The following NAB1 variants were observed in gnomAD, a reference collection of about 807,000 sequenced individuals.
The protein encoded by NAB1 is NGFI-A-binding protein 1.
In NAB1, 25 loss-of-function variants were observed where a neutral mutation model predicts 49.9. The ratio of observed to expected loss-of-function variants is 0.50; its 90% CI spans 0.37 to 0.70. The LOEUF is 0.70. Ranked by LOEUF, NAB1 falls within the 30% of genes least tolerant of loss-of-function variation. The probability of loss-of-function intolerance (pLI) is 0.00; values close to 1 mark genes in which losing one functional copy is unlikely to be tolerated. For synonymous variants in NAB1, 198 were observed against 215.6 expected, an observed-to-expected ratio of 0.92 and a Z score of 0.71; for missense variants, 489 against 575.9, an observed-to-expected ratio of 0.85 and a Z score of 1.54.
rs1330836827 is a variant in NAB1 at position 190,651,068 on chromosome 2, T to A, written c.-197+1086T>A. Reference sequence around the variant, plus strand: ...TGGTCTCTTGTTACTTGTGAAGGTATCAATAATAATGTAATAATGACAACA... The same window carrying A: ...TGGTCTCTTGTTACTTGTGAAGGTAACAATAATAATGTAATAATGACAACA... On this transcript the variant is annotated intron_variant, in intron 2 of 9. Transcript: ENST00000337386. The surrounding 1 kb of genome is among the most constrained non-coding windows in gnomAD (Gnocchi z 4.3). 6.6e-6 allele frequency among the ~76,000 whole-genome samples: 1 copy of A among 152,240 alleles called. No homozygotes were observed. Among genetic ancestry groups the A allele is most frequent in the Non-Finnish European group, 1.5e-5 (1 of 68,036 alleles).
Position 190,690,751 on chromosome 2 carries a change from T to C in NAB1, c.*418T>C, listed in dbSNP as rs1424028528. On this transcript the variant is annotated 3_prime_UTR_variant, in exon 10 of 10. Coordinates refer to ENST00000337386, the MANE Select transcript of NAB1 (RefSeq NM_005966.4). ...AATTTTGTTGTCTACTTTGTGTGTT[T>C]AACGTAAATATATGTCAGAGTTTAG... The C allele has an allele frequency of 6.5e-6, 1 of 154,618 alleles. No homozygotes were observed. Among genetic ancestry groups the C allele is most frequent in the African/African-American group, 2.4e-5 (1 of 41,502 alleles). The allele number at this position is 154,618 out of a possible 1,614,324, so 9.6% of individuals were successfully genotyped here.
rs1254406535 is a variant in NAB1 at position 190,670,572 on chromosome 2, T to C, written c.953+113T>C. ...TCTGAAAAAGTGGAAGTATGATTAT[T>C]GTTCTATGAAACTAAACAATGCAGT... On this transcript the variant is annotated intron_variant, in intron 5 of 9. Coordinates refer to ENST00000337386, the MANE Select transcript of NAB1 (RefSeq NM_005966.4). This position sits in a 1 kb window ranked among gnomAD's most constrained non-coding sequence, Gnocchi z 5.3. The C allele has an allele frequency of 8.3e-7, 1 of 1,210,328 alleles. No homozygotes were observed. Among genetic ancestry groups the C allele is most frequent in the Non-Finnish European group, 1.2e-6 (1 of 868,720 alleles). The allele number at this position is 1,210,328 out of a possible 1,614,324, so 75.0% of individuals were successfully genotyped here. A position where few individuals can be genotyped will look rare whatever the true frequency, so the allele number is the denominator to read the frequency against.
chr2:190,658,114 AAAAACAG>A (rs763759187), intron 3 of NAB1, among the ~76,000 whole-genome samples: 128 of 152,172 alleles, frequency 8.4e-4, no homozygotes, highest in Non-Finnish European at 1.5e-3. Flanking sequence ...CTGTCTCTTT[AAAAACAG>A]ACTTCTTTGT....
At chr2:190,672,636 T>G (rs570702907) in intron 5 of NAB1, among the ~76,000 whole-genome samples, 3 of 152,218 alleles carry the variant, frequency 2.0e-5, no homozygotes, top group Non-Finnish European at 2.9e-5. Context: ...CATAAAGGGA[T>G]ATCCTCCTTG....
rs1695075442 is a variant in NAB1, at chr2:190,676,456, T to C, written c.1005+3304T>C. Among the ~76,000 whole-genome samples the C allele has an allele frequency of 6.6e-6, 1 of 152,244 alleles. No individual in the cohort carries two copies. Among genetic ancestry groups the C allele is most frequent in the African/African-American group, 2.4e-5 (1 of 41,470 alleles). ...AGAAAGTAATATACAAGACTGAGCA[T>C]GGTGGCTTATGACTGTAATCCCAGC... On this transcript the variant is annotated intron_variant, in intron 6 of 9. Coordinates refer to ENST00000337386, the MANE Select transcript of NAB1 (RefSeq NM_005966.4). The surrounding 1 kb of genome is among the most constrained non-coding windows in gnomAD (Gnocchi z 4.6).
intron 6 of NAB1, among the ~76,000 whole-genome samples, chr2:190,673,728 TTACTG>T (rs1694936230): frequency 6.6e-6 from 1 of 152,324 alleles, no homozygotes; most frequent in Middle Eastern, 3.4e-3. Flanking sequence ...TACAGAGACT[TTACTG>T]TAACTAAAGC....
At chr2:190,661,348 C>T (rs567677136) in intron 4 of NAB1, among the ~76,000 whole-genome samples, 1 of 152,078 alleles carries the variant, frequency 6.6e-6, no homozygotes, top group African/African-American at 2.4e-5. Flanking sequence ...TGGGAGTATC[C>T]TTTGAACCAG....
At chr2:190,662,016 A>G (rs1694251035) in intron 4 of NAB1, among the ~76,000 whole-genome samples, 1 of 152,198 alleles carries the variant, frequency 6.6e-6, no homozygotes, top group African/African-American at 2.4e-5. Flanking sequence ...TAAAATTAGC[A>G]GAAGTTTTTT....
rs1223464133 is a variant in NAB1, at chr2:190,667,312, A to G, written c.820-3014A>G. 6.6e-6 allele frequency among the ~76,000 whole-genome samples: 1 copy of G among 152,226 alleles called. No homozygotes were observed. Among genetic ancestry groups the G allele is most frequent in the Non-Finnish European group, 1.5e-5 (1 of 68,040 alleles). On this transcript the variant is annotated intron_variant, in intron 4 of 9. Coordinates refer to ENST00000337386, the MANE Select transcript of NAB1 (RefSeq NM_005966.4). This position sits in a 1 kb window ranked among gnomAD's most constrained non-coding sequence, Gnocchi z 4.4. ...AAGCTAGTACCTCTGAAATGTTGTC[A>G]GTTAAAACATCTTACTGAAAATCAG...
rs1482581704 is a variant in NAB1 at position 190,680,475 on chromosome 2, C to T, written c.1006-3263C>T. Among the ~76,000 whole-genome samples, 1 of 152,180 alleles carries T rather than the reference C, an allele frequency of 6.6e-6. No individual in the cohort carries two copies. Among genetic ancestry groups the T allele is most frequent in the Non-Finnish European group, 1.5e-5 (1 of 68,038 alleles). On this transcript the variant is annotated intron_variant, in intron 6 of 9. Transcript: ENST00000337386. This position sits in a 1 kb window ranked among gnomAD's most constrained non-coding sequence, Gnocchi z 5.2. ...TGGGATGCCTGCTCTGCCACAGCGC[C>T]CTCTGCTGTGCTCTGGGTCTCCGTC... is the stretch of plus-strand genomic sequence containing the variant.
chr2:190,669,907 T>G lies in NAB1; in HGVS notation c.820-419T>G, dbSNP rs1694717856. On this transcript the variant is annotated intron_variant, in intron 4 of 9. Transcript: ENST00000337386. The surrounding 1 kb of genome is among the most constrained non-coding windows in gnomAD (Gnocchi z 4.3). ...GGTCTTGATTCCTTTTTAAGAATTT[T>G]CATGTCAGTTCATAAAAAATCTGTC... 6.6e-6 allele frequency among the ~76,000 whole-genome samples: 1 copy of G among 152,250 alleles called. No homozygotes were observed. The highest frequency in any genetic ancestry group is 1.5e-5 in the Non-Finnish European group (1 of 68,034).
At chr2:190,671,498 T>C (rs1277847502) in intron 5 of NAB1, among the ~76,000 whole-genome samples, 1 of 152,204 alleles carries the variant, frequency 6.6e-6, no homozygotes, top group African/African-American at 2.4e-5. Flanking sequence ...AGGTTTTTTT[T>C]TTGGAGTTGG....
At chr2:190,656,929 T>C (rs1360065386) in intron 3 of NAB1, among the ~76,000 whole-genome samples, 4 of 152,208 alleles carry the variant, frequency 2.6e-5, no homozygotes, top group Non-Finnish European at 5.9e-5. Context: ...GTTACAGTCC[T>C]CTTATTAAAA....
At chr2:190,650,438 A>G (rs1693604482) in intron 2 of NAB1, among the ~76,000 whole-genome samples, 1 of 152,224 alleles carries the variant, frequency 6.6e-6, no homozygotes, top group Non-Finnish European at 1.5e-5. Flanking sequence ...GAGATTGCAT[A>G]GGAACAGAGG....
chr2:190,692,527 GTA>G lies in NAB1; in HGVS notation c.*2198_*2199del, dbSNP rs746478955. ...AATAATATATATTTTTATTTGAATT[GTA>G]TATGTGAATTGGAAGTTATAATTAG... On this transcript the variant is annotated 3_prime_UTR_variant, in exon 10 of 10. Transcript: ENST00000337386. The surrounding 1 kb of genome is among the most constrained non-coding windows in gnomAD (Gnocchi z 5.2). 1.3e-5 allele frequency: 2 copies of G among 152,576 alleles called. No individual in the cohort carries two copies. The highest frequency in any genetic ancestry group is 2.9e-5 in the Non-Finnish European group (2 of 68,032). 9.5% of individuals were successfully genotyped at this position (152,576 alleles called of 1,614,324 possible).
intron 3 of NAB1, among the ~76,000 whole-genome samples, chr2:190,658,796 T>C (rs1398887573): frequency 6.6e-6 from 1 of 152,244 alleles, no homozygotes; most frequent in African/African-American, 2.4e-5. Flanking sequence ...CATACTCTGC[T>C]TCTTACCTCC....
chr2:190,660,074 G>A, intron 4 of NAB1, 79 bp downstream of exon 4: 1 of 1,310,760 alleles, frequency 7.6e-7, no homozygotes, highest in Non-Finnish European at 1.1e-6. Flanking sequence ...GTAATAGTTT[G>A]CCACAAATGT....
intron 9 of NAB1, among the ~76,000 whole-genome samples, chr2:190,688,372 C>G (rs1298309511): frequency 6.6e-6 from 1 of 152,090 alleles, no homozygotes; most frequent in Non-Finnish European, 1.5e-5. Flanking sequence ...GTAGCAGATG[C>G]TAAAAAGACG....
intron 4 of NAB1, among the ~76,000 whole-genome samples, chr2:190,660,480 G>A (rs1694166430): frequency 6.6e-6 from 1 of 152,082 alleles, no homozygotes; most frequent in Admixed American, 6.5e-5. Flanking sequence ...TTGGTTTGAT[G>A]TTTGGCATTA....
Sources: gnomAD v4.1 joint callset for allele counts (sites outside exome capture counted in the v4.1 genomes callset) on GRCh38, gnomAD v4.1.1 for gene constraint, Gnocchi (gnomAD v3.1) non-coding constraint, MANE v1.5 for transcripts, NCBI Gene and HGNC (gene_info 2026-07-23, HGNC 2026-07-21) for gene names.